Variants in THSD7B observed in about 807,000 individuals in gnomAD.
THSD7B encodes thrombospondin type 1 domain containing 7B, also known as thrombospondin type-1 domain-containing protein 7B.
Under a neutral mutation model 213.6 loss-of-function variants are expected in THSD7B, and 138 were observed. The observed-to-expected ratio is 0.65, with a 90% CI of 0.56 to 0.74. The LOEUF is 0.74. Among genes scored for constraint, THSD7B ranks in the 30% least tolerant of loss-of-function variants. The probability of loss-of-function intolerance (pLI) is 0.00; values close to 1 mark genes in which losing one functional copy is unlikely to be tolerated. For missense variants in THSD7B, 1,931 were observed against 1,991.5 expected, an observed-to-expected ratio of 0.97 and a Z score of 0.58; for synonymous variants, 742 against 687.0, an observed-to-expected ratio of 1.08 and a Z score of -1.25.
At position 137,057,256 on chromosome 2, in the gene THSD7B, T is replaced by C. The variant is rs561841315; in HGVS notation, c.950+26T>C. 1.7e-5 allele frequency: 26 copies of C among 1,540,952 alleles called. No homozygotes were observed. In the East Asian group the frequency reaches 5.9e-4, roughly 35 times the overall value. On this transcript the variant is annotated intron_variant, in intron 3 of 27. Coordinates refer to ENST00000409968, the MANE Select transcript of THSD7B (RefSeq NM_001316349.2). ...GTAGGAGACCTTTGATGCTTGAATT[T>C]GATTCACCTAAAATATTTTATAGTG...
intron 2 of THSD7B, among the ~76,000 whole-genome samples, chr2:136,943,913 C>T (rs1190917445): frequency 3.3e-5 from 5 of 152,100 alleles, no homozygotes; most frequent in Non-Finnish European, 7.4e-5. Flanking sequence ...TTATTTCTTG[C>T]CTTCTGCTAG....
intron 2 of THSD7B, among the ~76,000 whole-genome samples, chr2:137,010,442 C>T (rs10928585): frequency 6.6e-6 from 1 of 152,040 alleles, no homozygotes; most frequent in Non-Finnish European, 1.5e-5. Flanking sequence ...TAATGTCTAC[C>T]TCCCCTGACA....
rs867308257 is a variant in THSD7B at position 136,907,397 on chromosome 2, G to T, written c.139+25080G>T. Among the ~76,000 whole-genome samples the T allele has an allele frequency of 2.6e-4, 39 of 152,120 alleles. 1 individual carries two copies. Among genetic ancestry groups the T allele is most frequent in the African/African-American group, 8.7e-4 (36 of 41,522 alleles). On this transcript the variant is annotated intron_variant, in intron 2 of 27. Transcript: ENST00000409968. ...ATTTATTTTCTAAATCAATTACAAAGGTAGAAATATTGTTTTAAAAATGTA... is the reference window on the plus strand; with the variant it reads ...ATTTATTTTCTAAATCAATTACAAATGTAGAAATATTGTTTTAAAAATGTA...
intron 12 of THSD7B, among the ~76,000 whole-genome samples, chr2:137,300,962 G>T (rs1683585551): frequency 6.6e-6 from 1 of 152,076 alleles, no homozygotes. Flanking sequence ...CATGATGAGG[G>T]CCGGTAAAGT....
intron 20 of THSD7B, among the ~76,000 whole-genome samples, chr2:137,637,323 T>C (rs1300021549): frequency 6.6e-6 from 1 of 152,194 alleles, no homozygotes; most frequent in African/African-American, 2.4e-5. Flanking sequence ...TTCTTTAACT[T>C]ATACAATCTA....
intron 2 of THSD7B, among the ~76,000 whole-genome samples, chr2:136,976,600 A>G (rs142813192): frequency 2.0e-5 from 3 of 151,788 alleles, no homozygotes; most frequent in African/African-American, 4.8e-5. Flanking sequence ...TTTTGTATCA[A>G]TGTTCATCAG....
At chr2:136,917,466 T>C (rs2105030464) in intron 2 of THSD7B, among the ~76,000 whole-genome samples, 1 of 152,334 alleles carries the variant, frequency 6.6e-6, no homozygotes, top group Non-Finnish European at 1.5e-5. Context: ...CTTATGTGTA[T>C]TGAGCTCTCA....
At chr2:137,591,693 G>A (rs1380239881) in intron 17 of THSD7B, among the ~76,000 whole-genome samples, 2 of 151,818 alleles carry the variant, frequency 1.3e-5, no homozygotes, top group African/African-American at 4.8e-5. Context: ...ATTAGAGGAT[G>A]CTATTACAAT....
intron 21 of THSD7B, among the ~76,000 whole-genome samples, chr2:137,645,669 G>C (rs1683016712): frequency 1.7e-5 from 2 of 116,536 alleles, no homozygotes; most frequent in Non-Finnish European, 3.9e-5. Flanking sequence ...GTCTCATGGT[G>C]TGTAAAAAAA....
chr2:137,309,352 T>C (rs1683834149), intron 12 of THSD7B, among the ~76,000 whole-genome samples: 1 of 151,914 alleles, frequency 6.6e-6, no homozygotes, highest in Admixed American at 6.6e-5. Context: ...GTAAAAGACA[T>C]AGTTGGCATA....
intron 14 of THSD7B, among the ~76,000 whole-genome samples, chr2:137,424,840 G>A (rs1184378327): frequency 1.3e-5 from 2 of 152,008 alleles, no homozygotes; most frequent in African/African-American, 2.4e-5. Flanking sequence ...GGGAGGCCGA[G>A]GGAGGCAGAT....
chr2:137,073,915 T>C (rs888664970), intron 3 of THSD7B, among the ~76,000 whole-genome samples: 7 of 152,374 alleles, frequency 4.6e-5, no homozygotes, highest in African/African-American at 1.7e-4. Flanking sequence ...TTCTTAATCC[T>C]GAGTTCTAGT....
chr2:136,923,470 A>G (rs1327828266), intron 2 of THSD7B, among the ~76,000 whole-genome samples: 1 of 152,150 alleles, frequency 6.6e-6, no homozygotes, highest in African/African-American at 2.4e-5. Flanking sequence ...ATATTTCCAG[A>G]ATATATCTGG....
intron 13 of THSD7B, among the ~76,000 whole-genome samples, chr2:137,406,463 C>T (rs1362049570): frequency 1.3e-5 from 2 of 152,168 alleles, no homozygotes; most frequent in Non-Finnish European, 2.9e-5. Flanking sequence ...AATGCCACAA[C>T]TTCTCTTAAC....
In THSD7B at chr2:137,246,748, G is replaced by A. The variant is rs530687391; in HGVS notation, c.2266+4176G>A. 5.9e-5 allele frequency among the ~76,000 whole-genome samples: 9 copies of A among 151,448 alleles called. No homozygotes were observed. The East Asian group carries it at 1.2e-3, about 20-fold the overall frequency. ...TGTAATAAATTCACCAAATTATCAC[G>A]AACCATTTCCTTTGTACTTTTTTTT... is the stretch of plus-strand genomic sequence containing the variant. On this transcript the variant is annotated intron_variant, in intron 10 of 27. Transcript: ENST00000409968.
intron 15 of THSD7B, among the ~76,000 whole-genome samples, chr2:137,540,673 A>AGCTTTTTCTCTGATAT (rs1352938723): frequency 6.6e-6 from 1 of 151,784 alleles, no homozygotes; most frequent in Admixed American, 6.6e-5. Flanking sequence ...TGGTACAAAC[A>AGCTTTTTCTCTGATAT]GCTTTTTCTC....
chr2:136,817,989 C>A (rs1398124183), intron 1 of THSD7B, among the ~76,000 whole-genome samples: 1 of 148,736 alleles, frequency 6.7e-6, no homozygotes, highest in African/African-American at 2.4e-5. Flanking sequence ...ATCAGTGTGG[C>A]GATTCCTCAG....
At chr2:137,559,204 G>GA (rs1325080244) in intron 15 of THSD7B, among the ~76,000 whole-genome samples, 2 of 151,980 alleles carry the variant, frequency 1.3e-5, no homozygotes, top group Non-Finnish European at 2.9e-5. Flanking sequence ...CACAGAATTG[G>GA]AAAAAACTAC....
intron 15 of THSD7B, among the ~76,000 whole-genome samples, chr2:137,461,129 G>A (rs947686205): frequency 1.3e-5 from 2 of 151,488 alleles, no homozygotes; most frequent in South Asian, 2.1e-4. Flanking sequence ...TGGGCATTTC[G>A]GTTATTTCCA....
Sources: allele counts gnomAD v4.1 joint callset (sites outside exome capture counted in the v4.1 genomes callset), GRCh38; gene constraint gnomAD v4.1.1; transcripts MANE v1.5; gene names NCBI Gene and HGNC (gene_info 2026-07-23, HGNC 2026-07-21).